The following TBC1D1 variants were observed in gnomAD, a reference collection of about 807,000 sequenced individuals.
The protein encoded by TBC1D1 is TBC1 (tre-2/USP6, BUB2, cdc16) domain family, member 1.
In TBC1D1, 89 loss-of-function variants were observed where a neutral mutation model predicts 125.6. The observed-to-expected ratio is 0.71, with a 90% CI of 0.60 to 0.85. The LOEUF (loss-of-function observed/expected upper bound fraction) is 0.85, where lower values mean the gene tolerates loss of function less well. Ranked by LOEUF, TBC1D1 falls within the 40% of genes least tolerant of loss-of-function variation. TBC1D1 has a pLI of 0.00. For missense variants in TBC1D1, 1,377 were observed against 1,469.2 expected, an observed-to-expected ratio of 0.94 and a Z score of 1.03; for synonymous variants, 565 against 564.1, an observed-to-expected ratio of 1.00 and a Z score of -0.02.
Position 38,118,093 on chromosome 4 carries a change from C to T in TBC1D1, c.2863C>T (p.Leu955=). Residue 955 remains leucine (L), a synonymous_variant, in exon 17 of 20, where the codon CTG becomes TTG. Transcript: ENST00000261439. Reference sequence around the variant, plus strand: ...TTACCACAGAGACCTCTACAATCACCTGGAGGAGCACGAGATCGGCCCCAG... The same window carrying T: ...TTACCACAGAGACCTCTACAATCACTTGGAGGAGCACGAGATCGGCCCCAG... 3.7e-6 allele frequency: 6 copies of T among 1,614,210 alleles called. No individual in the cohort carries two copies. Among genetic ancestry groups the T allele is most frequent in the Non-Finnish European group, 3.4e-6 (4 of 1,180,020 alleles).
At chr4:38,096,294 G>T (rs1759332203) in intron 14 of TBC1D1, among the ~76,000 whole-genome samples, 1 of 152,092 alleles carries the variant, frequency 6.6e-6, no homozygotes, top group Non-Finnish European at 1.5e-5. Context: ...TTCCCAGAAG[G>T]CCGGGAAATA....
intron 12 of TBC1D1, among the ~76,000 whole-genome samples, chr4:38,082,115 G>A (rs1756670672): frequency 6.6e-6 from 1 of 151,888 alleles, no homozygotes; most frequent in African/African-American, 2.4e-5. Context: ...TGGGAAGAGA[G>A]GGGGAGTTGA....
intron 11 of TBC1D1, among the ~76,000 whole-genome samples, chr4:38,052,728 G>GCACACA (rs56153191): frequency 0.027 from 3,164 of 118,224 alleles, 65 homozygotes; most frequent in Admixed American, 0.072. Context: ...GCGCGCGCGC[G>GCACACA]CACACACACA....
intron 1 of TBC1D1, among the ~76,000 whole-genome samples, chr4:37,894,934 G>A (rs932307951): frequency 2.6e-5 from 4 of 152,198 alleles, no homozygotes; most frequent in African/African-American, 9.7e-5. Flanking sequence ...CAATTTATTA[G>A]TGAGGGAACC....
At chr4:37,928,258 A>C (rs766364603) in intron 2 of TBC1D1, among the ~76,000 whole-genome samples, 1 of 152,236 alleles carries the variant, frequency 6.6e-6, no homozygotes, top group African/African-American at 2.4e-5. Flanking sequence ...GTCAGATACA[A>C]TTTAAGGATG....
intron 18 of TBC1D1, among the ~76,000 whole-genome samples, chr4:38,129,998 C>G (rs1765328708): frequency 6.6e-6 from 1 of 152,154 alleles, no homozygotes; most frequent in African/African-American, 2.4e-5. Flanking sequence ...ACTCAGTCAT[C>G]CCGTTTCTTG....
chr4:38,029,358 G>GTC lies in TBC1D1; in HGVS notation c.1302+1491_1302+1492dup, dbSNP rs573541873. Among the ~76,000 whole-genome samples, 45 of 151,998 alleles carry GTC rather than the reference G, an allele frequency of 3.0e-4. 1 individual carries two copies. Among genetic ancestry groups the GTC allele is most frequent in the African/African-American group, 1.0e-3 (42 of 41,484 alleles). On this transcript the variant is annotated intron_variant, in intron 7 of 19. Coordinates refer to ENST00000261439, the MANE Select transcript of TBC1D1 (RefSeq NM_015173.4). ...TTAGTGTAAAAAAAATGAAAGGATT[G>GTC]TCTCTCTCTCTCTTTGTTGTTTTTT... is the stretch of plus-strand genomic sequence containing the variant.
At chr4:37,939,600 G>T (rs1263454084) in intron 2 of TBC1D1, among the ~76,000 whole-genome samples, 2 of 152,208 alleles carry the variant, frequency 1.3e-5, no homozygotes, top group Non-Finnish European at 2.9e-5. Flanking sequence ...CCTTGCCCAT[G>T]CCTATGTCCT....
At position 37,977,608 on chromosome 4, in the gene TBC1D1, G is replaced by C. The variant is rs1733449742; in HGVS notation, c.418-36901G>C. 19 of 424,024 alleles carry C rather than the reference G, an allele frequency of 4.5e-5. No individual in the cohort carries two copies. In the South Asian group the frequency reaches 1.6e-3, roughly 36 times the overall value. 26.3% of individuals were successfully genotyped at this position (424,024 alleles called of 1,614,324 possible). A position where few individuals can be genotyped will look rare whatever the true frequency, so the allele number is the denominator to read the frequency against. ...CTGGAACATTTGTAACCTTCGGGCC[G>C]GGGCTGGGCCGGGCCGCTGGAGGCC... On this transcript the variant is annotated intron_variant, in intron 2 of 19. Coordinates refer to ENST00000261439, the MANE Select transcript of TBC1D1 (RefSeq NM_015173.4). This position sits in a 1 kb window ranked among gnomAD's most constrained non-coding sequence, Gnocchi z 4.3.
At chr4:37,994,936 G>A (rs1234206692) in intron 2 of TBC1D1, among the ~76,000 whole-genome samples, 1 of 139,508 alleles carries the variant, frequency 7.2e-6, no homozygotes, top group Non-Finnish European at 1.6e-5. Flanking sequence ...TTAGAGCTGA[G>A]GGCTTCTTTT....
intron 10 of TBC1D1, 76 bp from the exon 11 acceptor site, chr4:38,049,542 C>A: frequency 1.3e-6 from 2 of 1,491,314 alleles, no homozygotes; most frequent in Non-Finnish European, 1.8e-6. Flanking sequence ...CAATGTTTGC[C>A]CGTGCAGGAA....
At chr4:37,924,604 C>T (rs749394353) in intron 2 of TBC1D1, among the ~76,000 whole-genome samples, 4 of 152,170 alleles carry the variant, frequency 2.6e-5, no homozygotes, top group Non-Finnish European at 5.9e-5. Flanking sequence ...TTCTAGGCAC[C>T]TTATATATGG....
At chr4:37,940,269 T>G (rs1018742720) in intron 2 of TBC1D1, among the ~76,000 whole-genome samples, 1 of 152,238 alleles carries the variant, frequency 6.6e-6, no homozygotes, top group African/African-American at 2.4e-5. Context: ...CTAGGTATTT[T>G]ATTCTCTTTG....
At chr4:37,905,885 C>A (rs909021090) in intron 2 of TBC1D1, among the ~76,000 whole-genome samples, 1 of 152,136 alleles carries the variant, frequency 6.6e-6, no homozygotes, top group Non-Finnish European at 1.5e-5. Context: ...TGATCCCACC[C>A]GTTTAAAATT....
At position 37,918,763 on chromosome 4, in the gene TBC1D1, A is replaced by C. The variant is rs113615001; in HGVS notation, c.417+16251A>C. 1.8e-3 allele frequency among the ~76,000 whole-genome samples: 267 copies of C among 152,254 alleles called. 2 individuals are homozygous for C. Among genetic ancestry groups the C allele is most frequent in the African/African-American group, 5.8e-3 (242 of 41,550 alleles). On this transcript the variant is annotated intron_variant, in intron 2 of 19. Transcript: ENST00000261439. Reference sequence around the variant, plus strand: ...CTGCCTGGCCTGGCATTTCCCTTGTAAGCCTAGCCGTACAATTTTTAATTA... The same window carrying C: ...CTGCCTGGCCTGGCATTTCCCTTGTCAGCCTAGCCGTACAATTTTTAATTA...
intron 12 of TBC1D1, among the ~76,000 whole-genome samples, chr4:38,057,124 C>T (rs1277458875): frequency 6.6e-6 from 1 of 152,152 alleles, no homozygotes; most frequent in Admixed American, 6.5e-5. Flanking sequence ...ACCACCCAAT[C>T]TCCTGCAGGA....
At chr4:38,096,227 A>G (rs1578682653) in intron 14 of TBC1D1, 137 bp downstream of exon 16, 2 of 653,362 alleles carry the variant, frequency 3.1e-6, no homozygotes, top group Middle Eastern at 3.0e-4. Flanking sequence ...CTATTTCCAT[A>G]TACCTTACTT....
In TBC1D1 at chr4:38,102,203, C is replaced by G. The variant is rs184778283; in HGVS notation, c.2399-796C>G. Among the ~76,000 whole-genome samples, 425 of 151,996 alleles carry G rather than the reference C, an allele frequency of 2.8e-3. 3 individuals are homozygous for G. Among genetic ancestry groups the G allele is most frequent in the South Asian group, 0.023 (110 of 4,812 alleles). On this transcript the variant is annotated intron_variant, in intron 14 of 19. Transcript: ENST00000261439. ...GCACACTTATACATATGTAACAAACCTGCACGTTGTGCACATGTACCCTAA... is the reference window on the plus strand; with the variant it reads ...GCACACTTATACATATGTAACAAACGTGCACGTTGTGCACATGTACCCTAA...
chr4:37,970,747 G>A (rs760944571), intron 2 of TBC1D1, among the ~76,000 whole-genome samples: 14 of 152,234 alleles, frequency 9.2e-5, no homozygotes, highest in Non-Finnish European at 1.6e-4. Flanking sequence ...TTCCAAAATA[G>A]GTGCTAATGA....
Sources: gnomAD v4.1 joint callset for allele counts (sites outside exome capture counted in the v4.1 genomes callset) on GRCh38, gnomAD v4.1.1 for gene constraint, Gnocchi (gnomAD v3.1) non-coding constraint, MANE v1.5 for transcripts, NCBI Gene and HGNC (gene_info 2026-07-23, HGNC 2026-07-21) for gene names.